Variants in GRID2 observed in about 807,000 individuals in gnomAD.
GRID2 encodes the protein glutamate receptor ionotropic, delta-2.
In GRID2, 33 loss-of-function variants were observed where a neutral mutation model predicts 114.8. The observed-to-expected ratio is 0.29, with a 90% confidence interval of 0.22 to 0.38. The LOEUF (loss-of-function observed/expected upper bound fraction) is 0.38. Among genes scored for constraint, GRID2 ranks in the 10% least tolerant of loss-of-function variants. GRID2 has a pLI of 1.00. For missense variants in GRID2, 1,184 were observed against 1,257.7 expected, an observed-to-expected ratio of 0.94 and a Z score of 0.89; for synonymous variants, 505 against 449.9, an observed-to-expected ratio of 1.12 and a Z score of -1.55.
chr4:93,206,986 A>G (rs1444372448), intron 4 of GRID2, among the ~76,000 whole-genome samples: 1 of 152,166 alleles, frequency 6.6e-6, no homozygotes, highest in Non-Finnish European at 1.5e-5. Context: ...ATATTAAGTT[A>G]GAGCCAGATT....
chr4:92,616,093 G>T (rs528736633), intron 2 of GRID2, among the ~76,000 whole-genome samples: 1 of 151,698 alleles, frequency 6.6e-6, no homozygotes, highest in Admixed American at 6.6e-5. Context: ...TGTTTGAGTG[G>T]ATTCAAATTA....
At chr4:93,217,073 G>T in intron 6 of GRID2, 162 bp downstream of exon 6, 1 of 476,882 alleles carries the variant, frequency 2.1e-6, no homozygotes, top group South Asian at 4.6e-5. Context: ...CTAAGAATTT[G>T]CGTCTTTGTT....
At chr4:92,766,266 C>T (rs530399666) in intron 2 of GRID2, among the ~76,000 whole-genome samples, 7 of 152,008 alleles carry the variant, frequency 4.6e-5, no homozygotes, top group South Asian at 2.1e-4. Flanking sequence ...TAGCTGGGTG[C>T]GGTGGCTCAT....
chr4:92,723,877 A>G (rs1283931772), intron 2 of GRID2, among the ~76,000 whole-genome samples: 1 of 152,170 alleles, frequency 6.6e-6, no homozygotes, highest in Non-Finnish European at 1.5e-5. Context: ...CTTGTTTGTA[A>G]ATATGATTAA....
chr4:92,836,304 T>C (rs1291491108), intron 2 of GRID2, among the ~76,000 whole-genome samples: 2 of 152,104 alleles, frequency 1.3e-5, no homozygotes, highest in East Asian at 3.9e-4. Context: ...AAAATTAAAA[T>C]CAAGAAATAT....
intron 1 of GRID2, among the ~76,000 whole-genome samples, chr4:92,481,289 G>A (rs1722576549): frequency 6.6e-6 from 1 of 152,104 alleles, no homozygotes; most frequent in East Asian, 1.9e-4. Flanking sequence ...AAGTAGAGAA[G>A]TATTACTCTT....
intron 5 of GRID2, among the ~76,000 whole-genome samples, chr4:93,214,266 G>C (rs1743927167): frequency 6.6e-6 from 1 of 151,878 alleles, no homozygotes; most frequent in Non-Finnish European, 1.5e-5. Context: ...CAGAGCATTA[G>C]GATAATATAG....
chr4:93,535,351 T>C (rs1291083431), intron 13 of GRID2, among the ~76,000 whole-genome samples: 1 of 151,926 alleles, frequency 6.6e-6, no homozygotes, highest in Non-Finnish European at 1.5e-5. Context: ...AATGCCACCA[T>C]GAACATAAGA....
At chr4:93,043,348 C>T (rs1725787265) in intron 2 of GRID2, among the ~76,000 whole-genome samples, 1 of 152,006 alleles carries the variant, frequency 6.6e-6, no homozygotes, top group Non-Finnish European at 1.5e-5. Flanking sequence ...AATCCTTGCC[C>T]TCAATAAACT....
chr4:93,100,096 C>A (rs1347341823), intron 3 of GRID2, among the ~76,000 whole-genome samples: 1 of 151,840 alleles, frequency 6.6e-6, no homozygotes, highest in Non-Finnish European at 1.5e-5. Context: ...CTTATTGAAC[C>A]ATTTCCTTTG....
chr4:93,418,521 A>G (rs1423936145), intron 9 of GRID2, among the ~76,000 whole-genome samples: 1 of 152,120 alleles, frequency 6.6e-6, no homozygotes, highest in East Asian at 1.9e-4. Flanking sequence ...CACAATAAAC[A>G]TAATATTTCC....
intron 2 of GRID2, among the ~76,000 whole-genome samples, chr4:92,934,299 G>A (rs141769175): frequency 1.3e-5 from 2 of 151,568 alleles, no homozygotes; most frequent in Non-Finnish European, 3.0e-5. Context: ...GAAGCAATTG[G>A]GAATGGGAGT....
chr4:92,944,425 G>A (rs1285262442), intron 2 of GRID2, among the ~76,000 whole-genome samples: 2 of 152,198 alleles, frequency 1.3e-5, no homozygotes, highest in African/African-American at 4.8e-5. Context: ...AGTTGGAAAA[G>A]CACAGTATTA....
chr4:92,816,744 T>C (rs1368686528), intron 2 of GRID2, among the ~76,000 whole-genome samples: 3 of 152,180 alleles, frequency 2.0e-5, no homozygotes, highest in South Asian at 4.1e-4. Flanking sequence ...AAAATGGGGA[T>C]TCTAATAGTA....
intron 2 of GRID2, among the ~76,000 whole-genome samples, chr4:92,848,542 A>G (rs1490755191): frequency 1.3e-5 from 2 of 151,792 alleles, no homozygotes; most frequent in African/African-American, 2.4e-5. Context: ...AACTTCTTCA[A>G]CTCCATTTTG....
intron 15 of GRID2, among the ~76,000 whole-genome samples, chr4:93,770,904 T>C (rs1477168680): frequency 6.6e-6 from 1 of 152,176 alleles, no homozygotes; most frequent in Non-Finnish European, 1.5e-5. Context: ...GTCTCAGTGA[T>C]AATATTGCAT....
chr4:93,613,422 T>C (rs1193744968), intron 13 of GRID2, among the ~76,000 whole-genome samples: 1 of 117,514 alleles, frequency 8.5e-6, no homozygotes, highest in South Asian at 3.1e-4. Flanking sequence ...TCTGTTCTGT[T>C]TTTTCCCCAT....
intron 4 of GRID2, among the ~76,000 whole-genome samples, chr4:93,199,142 C>T (rs1741817553): frequency 6.6e-6 from 1 of 152,052 alleles, no homozygotes. Context: ...ACCGCTTTTC[C>T]TAATGTTTTG....
intron 1 of GRID2, among the ~76,000 whole-genome samples, chr4:92,585,157 A>T (rs1728368962): frequency 6.6e-6 from 1 of 151,998 alleles, no homozygotes; most frequent in Non-Finnish European, 1.5e-5. Flanking sequence ...AGATGGATGA[A>T]TGGCTGGATG....
Sources: allele counts gnomAD v4.1 joint callset (sites outside exome capture counted in the v4.1 genomes callset), GRCh38; gene constraint gnomAD v4.1.1; transcripts MANE v1.5; gene names NCBI Gene and HGNC (gene_info 2026-07-23, HGNC 2026-07-21).